PCDH15: variants seen among roughly 807,000 people sequenced by gnomAD.
PCDH15 encodes the protein protocadherin related 15.
PCDH15 carries 129 observed loss-of-function variants against 178.5 expected under a neutral mutation model. The ratio of observed to expected loss-of-function variants is 0.72; its 90% CI spans 0.63 to 0.84. The LOEUF is 0.84. PCDH15 is among the 40% of genes least tolerant of loss of function. The pLI, the probability that PCDH15 is intolerant of heterozygous loss-of-function variation, is 0.00. For synonymous variants in PCDH15, 800 were observed against 732.0 expected, an observed-to-expected ratio of 1.09 and a Z score of -1.50; for missense variants, 2,230 against 2,099.9, an observed-to-expected ratio of 1.06 and a Z score of -1.21.
At chr10:54,032,990 A>T (rs1318464182) in intron 18 of PCDH15, among the ~76,000 whole-genome samples, 1 of 151,768 alleles carries the variant, frequency 6.6e-6, no homozygotes, top group East Asian at 2.0e-4. Flanking sequence ...AGCATGGGGG[A>T]AGCCTCCCCC....
chr10:54,172,498 A>C (rs1447521486), intron 13 of PCDH15, among the ~76,000 whole-genome samples: 1 of 152,202 alleles, frequency 6.6e-6, no homozygotes, highest in Non-Finnish European at 1.5e-5. Context: ...CTTCACGCGC[A>C]TGAAAATAAC....
intron 1 of PCDH15, among the ~76,000 whole-genome samples, chr10:54,779,410 A>ATATATATACACACACATATGTG (rs1950042475): frequency 9.4e-6 from 1 of 106,012 alleles, no homozygotes; most frequent in Non-Finnish European, 1.9e-5. Flanking sequence ...ATATATGTAT[A>ATATATATACACACACATATGTG]TATATATATA....
At chr10:54,318,858 G>A (rs1578668) in intron 7 of PCDH15, among the ~76,000 whole-genome samples, 31,193 of 152,036 alleles carry the variant, frequency 0.21, 3,258 homozygotes, top group Admixed American at 0.23. Context: ...TTCATCACCT[G>A]GCTGAGGCTG....
intron 8 of PCDH15, among the ~76,000 whole-genome samples, chr10:54,292,482 C>G (rs2133049188): frequency 6.6e-6 from 1 of 152,192 alleles, no homozygotes; most frequent in South Asian, 2.1e-4. Context: ...GCAAATCAGG[C>G]AAGAGAAAGA....
chr10:54,485,366 C>T (rs1181583874), intron 3 of PCDH15, among the ~76,000 whole-genome samples: 1 of 151,880 alleles, frequency 6.6e-6, no homozygotes. Context: ...GCAATTGAGC[C>T]TCTTTTCCTT....
At chr10:55,429,102 A>G (rs1347973265) in intron 2 of PCDH15, among the ~76,000 whole-genome samples, 1 of 152,090 alleles carries the variant, frequency 6.6e-6, no homozygotes, top group African/African-American at 2.4e-5. Context: ...CAAACAGGCA[A>G]TTATCCTTTA....
At chr10:54,678,705 G>A (rs1295606636) in intron 1 of PCDH15, among the ~76,000 whole-genome samples, 2 of 152,074 alleles carry the variant, frequency 1.3e-5, no homozygotes, top group African/African-American at 4.8e-5. Context: ...CATCATTTAT[G>A]TATTTGTGAA....
intron 4 of PCDH15, 73 bp downstream of exon 4, chr10:54,378,709 A>G: frequency 6.7e-7 from 1 of 1,482,972 alleles, no homozygotes; most frequent in South Asian, 1.2e-5. Context: ...ATTCAATATC[A>G]TATAAACACA....
rs140032495 is a variant in PCDH15, at chr10:55,269,519, A to G, written c.-156+50080T>C. Among the ~76,000 whole-genome samples, 1,430 of 152,224 alleles carry G rather than the reference A, an allele frequency of 9.4e-3. 77 individuals are homozygous for G. Among genetic ancestry groups the G allele is most frequent in the Non-Finnish European group, 2.4e-3 (165 of 68,002 alleles). ...GGCTGAGAGGCAAATCAAGAACATG[A>G]TCCCATTTACAATAGCTAAAAATAA... On this transcript the variant is annotated intron_variant, in intron 1 of 5. Coordinates refer to the PCDH15 transcript ENST00000458638.
rs185626638 is a variant in PCDH15, at chr10:54,063,569, C to T, written c.2220+3188G>A. Among the ~76,000 whole-genome samples, 359 of 152,270 alleles carry T rather than the reference C, an allele frequency of 2.4e-3. 1 individual carries two copies. The Middle Eastern group carries it at 0.034, about 14-fold the overall frequency. On this transcript the variant is annotated intron_variant, in intron 18 of 37. Coordinates refer to ENST00000644397, the MANE Select transcript of PCDH15 (RefSeq NM_001384140.1). Reference sequence around the variant, plus strand: ...TTGTCACTGGATCCTAAGGGTGTTGCTTTTCCAGCCAGAAACCTCTGCGGG... The same window carrying T: ...TTGTCACTGGATCCTAAGGGTGTTGTTTTTCCAGCCAGAAACCTCTGCGGG...
intron 3 of PCDH15, among the ~76,000 whole-genome samples, chr10:54,392,905 A>G (rs1950737180): frequency 6.6e-6 from 1 of 151,962 alleles, no homozygotes; most frequent in Non-Finnish European, 1.5e-5. Context: ...GCTCAAAAAA[A>G]AAAAAAAAAA....
chr10:54,688,511 G>A (rs1160440971), intron 1 of PCDH15, among the ~76,000 whole-genome samples: 1 of 152,090 alleles, frequency 6.6e-6, no homozygotes, highest in Non-Finnish European at 1.5e-5. Flanking sequence ...TTTAAGAGAT[G>A]TTAAGGCAAA....
chr10:53,979,854 T>C (rs1365176436), intron 21 of PCDH15, among the ~76,000 whole-genome samples: 2 of 152,182 alleles, frequency 1.3e-5, no homozygotes, highest in African/African-American at 4.8e-5. Flanking sequence ...ACAAAATGTA[T>C]TTTAGTTCAT....
intron 8 of PCDH15, among the ~76,000 whole-genome samples, chr10:54,241,648 G>A (rs1380193388): frequency 6.6e-6 from 1 of 152,082 alleles, no homozygotes; most frequent in Non-Finnish European, 1.5e-5. Flanking sequence ...CCTGAATTCT[G>A]TTCCAGTTGA....
chr10:54,142,224 A>G (rs528922115), intron 14 of PCDH15, among the ~76,000 whole-genome samples: 1 of 152,152 alleles, frequency 6.6e-6, no homozygotes, highest in African/African-American at 2.4e-5. Flanking sequence ...AATTTGTGAC[A>G]TTTTAGAATA....
At chr10:53,825,906 G>T (rs1175329785) in intron 32 of PCDH15, among the ~76,000 whole-genome samples, 3 of 151,384 alleles carry the variant, frequency 2.0e-5, no homozygotes, top group African/African-American at 7.3e-5. Context: ...ATAATCTTAG[G>T]TATTGCTATT....
intron 2 of PCDH15, among the ~76,000 whole-genome samples, chr10:55,504,729 T>C (rs1168757025): frequency 6.6e-6 from 1 of 151,440 alleles, no homozygotes. Context: ...AATATTTTCA[T>C]ATTATACTGT....
intron 9 of PCDH15, among the ~76,000 whole-genome samples, chr10:54,217,780 G>T (rs1381146487): frequency 6.6e-6 from 1 of 152,100 alleles, no homozygotes; most frequent in African/African-American, 2.4e-5. Context: ...TAAGATTTCT[G>T]AGAGAGAGAG....
At chr10:55,561,176 G>C (rs1842190954) in intron 2 of PCDH15, among the ~76,000 whole-genome samples, 1 of 151,746 alleles carries the variant, frequency 6.6e-6, no homozygotes, top group African/African-American at 2.4e-5. Flanking sequence ...TCAGGTAAAA[G>C]TACATGTCTA....
Sources: gnomAD v4.1 joint callset for allele counts (sites outside exome capture counted in the v4.1 genomes callset) on GRCh38, gnomAD v4.1.1 for gene constraint, MANE v1.5 for transcripts, NCBI Gene and HGNC (gene_info 2026-07-23, HGNC 2026-07-21) for gene names.